Variants in ADAM9 observed in about 807,000 individuals in gnomAD.
ADAM9 encodes ADAM metallopeptidase domain 9, also known as disintegrin and metalloproteinase domain-containing protein 9.
Under a neutral mutation model 108.1 loss-of-function variants are expected in ADAM9, and 54 were observed. The ratio of observed to expected loss-of-function variants is 0.50; its 90% CI spans 0.40 to 0.63. The LOEUF (loss-of-function observed/expected upper bound fraction) is 0.63, where lower values mean the gene tolerates loss of function less well. Among genes scored for constraint, ADAM9 ranks in the 20% least tolerant of loss-of-function variants. The pLI is 0.00. For missense variants in ADAM9, 830 were observed against 997.7 expected, an observed-to-expected ratio of 0.83 and a Z score of 2.26; for synonymous variants, 316 against 336.0, an observed-to-expected ratio of 0.94 and a Z score of 0.65.
intron 12 of ADAM9, among the ~76,000 whole-genome samples, chr8:39,043,260 A>G (rs1200186514): frequency 6.6e-6 from 1 of 152,154 alleles, no homozygotes; most frequent in Non-Finnish European, 1.5e-5. Flanking sequence ...TATCTCTTCA[A>G]GATCTTGATT....
At chr8:39,023,741 T>G in intron 9 of ADAM9, among the ~76,000 whole-genome samples, 1 of 94,490 alleles carries the variant, frequency 1.1e-5, no homozygotes, top group Non-Finnish European at 2.1e-5. Flanking sequence ...TTTGCGTTTG[T>G]TTTTTTTTTT....
chr8:39,088,269 A>AC (rs1839237320), intron 18 of ADAM9, among the ~76,000 whole-genome samples: 1 of 126,858 alleles, frequency 7.9e-6, no homozygotes, highest in Admixed American at 8.9e-5. Context: ...GTTTTATACA[A>AC]CTTTTTTTTT....
intron 15 of ADAM9, among the ~76,000 whole-genome samples, chr8:39,074,814 T>G (rs1254238644): frequency 1.3e-5 from 2 of 152,082 alleles, no homozygotes; most frequent in African/African-American, 4.8e-5. Context: ...GGGCTCATGT[T>G]CTGGATTTGT....
chr8:39,078,376 A>AAAG (rs1838916258), intron 16 of ADAM9, among the ~76,000 whole-genome samples: 1 of 151,868 alleles, frequency 6.6e-6, no homozygotes, highest in Non-Finnish European at 1.5e-5. Flanking sequence ...AAAAAAAAAA[A>AAAG]AAATTGTGCT....
At chr8:39,044,785 C>T (rs529789282) in intron 12 of ADAM9, among the ~76,000 whole-genome samples, 45 of 152,172 alleles carry the variant, frequency 3.0e-4, no homozygotes, top group African/African-American at 1.1e-3. Flanking sequence ...CAGCTCCATC[C>T]ATGTTGCTGC....
At chr8:39,077,549 C>A in intron 16 of ADAM9, 138 bp downstream of exon 16, 3 of 869,018 alleles carry the variant, frequency 3.5e-6, no homozygotes, top group Non-Finnish European at 5.0e-6. Flanking sequence ...ACAAAGCCAC[C>A]AAAAGAAAAT....
In ADAM9 at chr8:39,007,902, A is replaced by C; in HGVS notation, c.114A>C (p.Ser38=). ...TTTCTGTAGGCTTTCAACAGACCTC[A>C]CATCTTTCTTCTTATGAAATTATAA... ...GAARPGFQQT[S]HLSSYEIITP... Residue 38 remains serine, a synonymous_variant, in exon 2 of 22, where the codon TCA becomes TCC. Transcript: ENST00000487273. 1 of 1,611,798 alleles carries C rather than the reference A, an allele frequency of 6.2e-7. No individual in the cohort carries two copies. The highest frequency in any genetic ancestry group is 8.5e-7 in the Non-Finnish European group (1 of 1,178,708).
At chr8:39,025,658 T>G in intron 9 of ADAM9, 145 bp from the exon 10 acceptor site, 1 of 699,426 alleles carries the variant, frequency 1.4e-6, no homozygotes, top group Non-Finnish European at 2.4e-6. Context: ...CATAAGTATA[T>G]TCTGATTTTA....
At chr8:38,998,729 T>C (rs1835903837) in intron 1 of ADAM9, among the ~76,000 whole-genome samples, 1 of 152,104 alleles carries the variant, frequency 6.6e-6, no homozygotes, top group South Asian at 2.1e-4. Flanking sequence ...GTAGATACAT[T>C]CTAAGCAGAG....
At chr8:39,016,426 A>C (rs10958813) in intron 5 of ADAM9, among the ~76,000 whole-genome samples, 35,879 of 152,076 alleles carry the variant, frequency 0.24, 4,529 homozygotes, top group South Asian at 0.31. Context: ...TGAGACCACT[A>C]AATCATTTTT....
chr8:39,013,349 G>A (rs1836419062), intron 3 of ADAM9, among the ~76,000 whole-genome samples: 1 of 147,588 alleles, frequency 6.8e-6, no homozygotes, highest in Non-Finnish European at 1.5e-5. Flanking sequence ...AGCCATATCT[G>A]AAAAATTTAG....
chr8:39,045,444 G>C (rs1257526272), intron 12 of ADAM9, among the ~76,000 whole-genome samples: 7 of 128,890 alleles, frequency 5.4e-5, no homozygotes, highest in East Asian at 2.0e-4. Flanking sequence ...GTGCGCGTGT[G>C]TACACACACC....
chr8:39,062,508 C>T (rs1314913515), intron 14 of ADAM9, among the ~76,000 whole-genome samples: 1 of 152,200 alleles, frequency 6.6e-6, no homozygotes, highest in Non-Finnish European at 1.5e-5. Flanking sequence ...ATCAACTAGC[C>T]AATGCCGTAA....
chr8:39,030,608 AC>A (rs1217816380), intron 11 of ADAM9, among the ~76,000 whole-genome samples: 1 of 152,232 alleles, frequency 6.6e-6, no homozygotes, highest in Non-Finnish European at 1.5e-5. Flanking sequence ...TTGGGTGAAT[AC>A]CAAGGGATGC....
At position 39,042,102 on chromosome 8, in the gene ADAM9, C is replaced by T. The variant is rs2129436342; in HGVS notation, c.1287C>T (p.Asp429=). 2.5e-6 allele frequency: 4 copies of T among 1,614,010 alleles called. No homozygotes were observed. The highest frequency in any genetic ancestry group is 3.4e-6 in the Non-Finnish European group (4 of 1,179,892). Residue 429 remains aspartate (D), a synonymous_variant, in exon 12 of 22, where the codon GAC becomes GAT. Transcript: ENST00000487273. ...NKLVDAGEEC[D]CGTPKECELD... ...TGGTGGACGCTGGGGAAGAGTGTGA[C>T]TGTGGTACTCCAAAGGTCAGTTTAA... is the stretch of plus-strand genomic sequence containing the variant.
At chr8:39,035,232 A>G (rs1837232217) in intron 11 of ADAM9, among the ~76,000 whole-genome samples, 1 of 152,034 alleles carries the variant, frequency 6.6e-6, no homozygotes, top group Non-Finnish European at 1.5e-5. Flanking sequence ...AAACTTATCC[A>G]TTGAATTATT....
intron 14 of ADAM9, among the ~76,000 whole-genome samples, chr8:39,066,219 C>T (rs1311076186): frequency 6.6e-6 from 1 of 152,186 alleles, no homozygotes; most frequent in Non-Finnish European, 1.5e-5. Flanking sequence ...CATACGTGTG[C>T]ATATGTCTTT....
At chr8:39,074,082 T>TTCA (rs1388664518) in intron 15 of ADAM9, among the ~76,000 whole-genome samples, 1 of 152,148 alleles carries the variant, frequency 6.6e-6, no homozygotes, top group Non-Finnish European at 1.5e-5. Context: ...CATTGTCACA[T>TTCA]TCATCATCAT....
intron 2 of ADAM9, among the ~76,000 whole-genome samples, chr8:39,008,203 C>G (rs1183708891): frequency 6.6e-6 from 1 of 150,794 alleles, no homozygotes; most frequent in African/African-American, 2.4e-5. Flanking sequence ...GAGTCTTGCT[C>G]TGTCGCCCAG....
Sources: allele counts gnomAD v4.1 joint callset (sites outside exome capture counted in the v4.1 genomes callset), GRCh38; gene constraint gnomAD v4.1.1; transcripts MANE v1.5; gene names NCBI Gene and HGNC (gene_info 2026-07-23, HGNC 2026-07-21).